Variants in KRT76 observed in about 807,000 individuals in gnomAD.
The protein encoded by KRT76 is keratin, type II cytoskeletal 2 oral.
Under a neutral mutation model 44.9 loss-of-function variants are expected in KRT76, and 47 were observed. The observed-to-expected ratio is 1.05, with a 90% CI of 0.83 to 1.33. The LOEUF (loss-of-function observed/expected upper bound fraction) is 1.33. KRT76 is among the 40% of genes most tolerant of loss of function. The pLI is 0.00. For missense variants in KRT76, 860 were observed against 775.8 expected (o/e 1.11, Z -1.29); for synonymous variants, 331 against 294.1 (o/e 1.13, Z -1.28).
Position 52,775,473 on chromosome 12 carries a change from G to A in KRT76, c.730C>T (p.Gln244Ter). The A allele has an allele frequency of 6.2e-7, 1 of 1,614,172 alleles. No homozygotes were observed. Among genetic ancestry groups the A allele is most frequent in the Non-Finnish European group, 8.5e-7 (1 of 1,180,018 alleles). ...FESYISFLCK[Q>*]LDSLLGERGN... ...CTCTCCCCTAGAAGTGAATCTAGCT[G>A]CTTGCATAGGAAGCTGATGTAGGAT... The change falls in exon 2 of 9, where the codon CAG becomes TAG. Residue 244 changes from glutamine (Q) to a stop codon, truncating the protein, a stop_gained. Coordinates refer to ENST00000332411, the MANE Select transcript of KRT76 (RefSeq NM_015848.4). LOFTEE classifies it high-confidence loss of function.
In KRT76 at chr12:52,772,261, G is replaced by T. The variant is rs1227099817; in HGVS notation, c.973-3C>A. On this transcript the variant is annotated splice_polypyrimidine_tract_variant and splice_region_variant and intron_variant, in intron 4 of 8. Transcript: ENST00000332411. ...TGGCTTTGCATCTGGGACAGCTCCT[G>T]CAGGAAACATGGATAGTTACTCTTA... The T allele has an allele frequency of 6.3e-7, 1 of 1,592,098 alleles. No homozygotes were observed. The highest frequency in any genetic ancestry group is 1.3e-5 in the African/African-American group (1 of 74,492).
intron 3 of KRT76, among the ~76,000 whole-genome samples, chr12:52,773,362 C>G (rs1028486750): frequency 3.3e-5 from 5 of 152,190 alleles, no homozygotes; most frequent in Admixed American, 2.6e-4. Flanking sequence ...CATTGCTAAT[C>G]AGCTCATTAG....
chr12:52,773,735 G>T, intron 2 of KRT76, 93 bp from the exon 3 acceptor site: 1 of 1,033,596 alleles, frequency 9.7e-7, no homozygotes, highest in Non-Finnish European at 1.5e-6. Context: ...CCTGCGCAGA[G>T]ACAGGACGAG....
intron 3 of KRT76, among the ~76,000 whole-genome samples, chr12:52,773,123 TA>T (rs1366965807): frequency 4.6e-5 from 7 of 152,210 alleles, no homozygotes; most frequent in Non-Finnish European, 8.8e-5. Context: ...CATCTGATTT[TA>T]GGGTAGAAAA....
In KRT76 at chr12:52,775,617, G is replaced by T; in HGVS notation, c.601-15C>A. On this transcript the variant is annotated splice_polypyrimidine_tract_variant and intron_variant, in intron 1 of 8. Coordinates refer to ENST00000332411, the MANE Select transcript of KRT76 (RefSeq NM_015848.4). ...AGGAACCGCACCTGCATGAAAGAGG[G>T]GAGAAAAGGAGTCAGCCCCTTGAGT... 1 of 1,608,792 alleles carries T rather than the reference G, an allele frequency of 6.2e-7. No individual in the cohort carries two copies. Among genetic ancestry groups the T allele is most frequent in the South Asian group, 1.1e-5 (1 of 90,800 alleles).
At chr12:52,775,057 G>A (rs912393600) in intron 2 of KRT76, among the ~76,000 whole-genome samples, 4 of 152,160 alleles carry the variant, frequency 2.6e-5, no homozygotes, top group African/African-American at 9.7e-5. Flanking sequence ...ACAGGAATAC[G>A]CATTGTTGAC....
Position 52,772,195 on chromosome 12 carries a change from G to A in KRT76, c.1036C>T (p.Arg346Cys), listed in dbSNP as rs200771210. The A allele has an allele frequency of 1.4e-5, 22 of 1,613,330 alleles. No homozygotes were observed. The highest frequency in any genetic ancestry group is 4.5e-5 in the East Asian group (2 of 44,892). The change falls in exon 5 of 9, where the codon CGC becomes TGC. Residue 346 changes from arginine to cysteine, a missense_variant. By Grantham distance (180) the Arg-to-Cys change is radical. Transcript: ENST00000332411. ...TSVVLSMDNN[R>C]CLDLGSIIAE... is the part of the protein sequence containing the mutation. ...ATGATGCTGCCCAGGTCCAGGCAGC[G>A]GTTGTTGTCCATGGACAGAACCACA... is the stretch of plus-strand genomic sequence containing the variant.
At position 52,777,319 on chromosome 12, in the gene KRT76, G is replaced by A. The variant is rs377374238; in HGVS notation, c.-28C>T. 2 of 1,612,882 alleles carry A rather than the reference G, an allele frequency of 1.2e-6. No homozygotes were observed. Among genetic ancestry groups the A allele is most frequent in the Non-Finnish European group, 1.7e-6 (2 of 1,179,474 alleles). ...TGAGAGAGCTTGGAGGCAAGCTAGTGATCACTTAGCAAGAGCTGAGAGGGA... is the reference window on the plus strand; with the variant it reads ...TGAGAGAGCTTGGAGGCAAGCTAGTAATCACTTAGCAAGAGCTGAGAGGGA... On this transcript the variant is annotated 5_prime_UTR_variant, in exon 1 of 9. Coordinates refer to ENST00000332411, the MANE Select transcript of KRT76 (RefSeq NM_015848.4).
At position 52,777,191 on chromosome 12, in the gene KRT76, GCCACAC is replaced by G. The variant is rs1240615291; in HGVS notation, c.95_100del (p.Cys32_Ala34delinsSer). 1 of 1,614,098 alleles carries G rather than the reference GCCACAC, an allele frequency of 6.2e-7. No homozygotes were observed. Among genetic ancestry groups the G allele is most frequent in the Non-Finnish European group, 8.5e-7 (1 of 1,180,052 alleles). On this transcript the variant is annotated inframe_deletion, in exon 1 of 9. Coordinates refer to ENST00000332411, the MANE Select transcript of KRT76 (RefSeq NM_015848.4). ...CCCTCCACCAGCTCCCCCAGAGCGG[GCCACAC>G]AGCTCATCCTGCTGCTGCCGGAGAC...
In KRT76 at chr12:52,769,012, C is replaced by A. The variant is rs201843810; in HGVS notation, c.1618G>T (p.Gly540Cys). Reference protein sequence around the residue: ...SGSGSGGYKGGSSSSSSSGYG... With the variant: ...SGSGSGGYKGCSSSSSSSGYG... ...CCACTGCTGCTGCTGCTGCTGCTGCCGCCTTTGTAGCCACCACTGCCACTG... is the reference window on the plus strand; with the variant it reads ...CCACTGCTGCTGCTGCTGCTGCTGCAGCCTTTGTAGCCACCACTGCCACTG... The change falls in exon 9 of 9, where the codon GGC (glycine) becomes TGC (cysteine). Residue 540 changes from glycine (G) to cysteine (C), a missense_variant. By Grantham distance (159) the Gly-to-Cys change is radical (BLOSUM62 -3). Transcript: ENST00000332411. 6 of 885,626 alleles carry A rather than the reference C, an allele frequency of 6.8e-6. No homozygotes were observed. Among genetic ancestry groups the A allele is most frequent in the Non-Finnish European group, 1.1e-5 (6 of 539,922 alleles). 54.9% of individuals were successfully genotyped at this position (885,626 alleles called of 1,614,324 possible).
Position 52,772,194 on chromosome 12 carries a change from C to T in KRT76, c.1037G>A (p.Arg346His), listed in dbSNP as rs762568646. The T allele has an allele frequency of 1.5e-5, 24 of 1,613,306 alleles. No homozygotes were observed. Among genetic ancestry groups the T allele is most frequent in the Middle Eastern group, 1.6e-4 (1 of 6,062 alleles). ...TSVVLSMDNN[R>H]CLDLGSIIAE... ...AATGATGCTGCCCAGGTCCAGGCAG[C>T]GGTTGTTGTCCATGGACAGAACCAC... is the stretch of plus-strand genomic sequence containing the variant. The change falls in exon 5 of 9, where the codon CGC (arginine) becomes CAC (histidine). Residue 346 changes from arginine (R) to histidine (H), a missense_variant. Arg to His is a conservative substitution (Grantham distance 29, BLOSUM62 0). Transcript: ENST00000332411.
Position 52,776,955 on chromosome 12 carries a change from C to T in KRT76, c.337G>A (p.Gly113Ser). Reference protein sequence around the residue: ...GGGFGGGRGVGSGFGGAGGFG... With the variant: ...GGGFGGGRGVSSGFGGAGGFG... ...CCACCAGCCCCTCCAAAACCACTAC[C>T]TACTCCTCTGCCACCACCAAAGCCA... The change falls in exon 1 of 9, where the codon GGT (glycine) becomes AGT (serine). Residue 113 changes from glycine to serine, a missense_variant. By Grantham distance (56) the Gly-to-Ser change is moderately conservative (BLOSUM62 0). Transcript: ENST00000332411. The T allele has an allele frequency of 6.2e-7, 1 of 1,613,972 alleles. No homozygotes were observed.
chr12:52,772,543 G>A (rs1401448730), intron 4 of KRT76, among the ~76,000 whole-genome samples: 1 of 152,164 alleles, frequency 6.6e-6, no homozygotes, highest in Non-Finnish European at 1.5e-5. Context: ...TTATGAAGAA[G>A]CCAACTATGA....
Position 52,768,702 on chromosome 12 carries a change from G to A in KRT76, c.*11C>T, listed in dbSNP as rs1429353639. ...GGGAAGCAGGTGGTTATAGAGATTT[G>A]GAACAGTAGATCACTTGGTGGAGCT... On this transcript the variant is annotated 3_prime_UTR_variant, in exon 9 of 9. Coordinates refer to ENST00000332411, the MANE Select transcript of KRT76 (RefSeq NM_015848.4). 1.2e-5 allele frequency: 19 copies of A among 1,581,302 alleles called. No homozygotes were observed. The highest frequency in any genetic ancestry group is 1.6e-5 in the Non-Finnish European group (19 of 1,157,038).
chr12:52,772,260 T>C lies in KRT76; in HGVS notation c.973-2A>G. ...ATGGCTTTGCATCTGGGACAGCTCC[T>C]GCAGGAAACATGGATAGTTACTCTT... On this transcript the variant is annotated splice_acceptor_variant, in intron 4 of 8. Transcript: ENST00000332411. LOFTEE classifies it high-confidence loss of function. 2 of 1,592,810 alleles carry C rather than the reference T, an allele frequency of 1.3e-6. No homozygotes were observed. Among genetic ancestry groups the C allele is most frequent in the Admixed American group, 1.7e-5 (1 of 58,028 alleles).
Position 52,772,775 on chromosome 12 carries a change from G to A in KRT76, c.972+8C>T, listed in dbSNP as rs1939206034. The A allele has an allele frequency of 6.3e-7, 1 of 1,593,556 alleles. No individual in the cohort carries two copies. Among genetic ancestry groups the A allele is most frequent in the African/African-American group, 1.3e-5 (1 of 74,650 alleles). The stretch of plus-strand genomic sequence containing the variant: ...GAAGGTTCTGCAGCTTGCAAACCAA[G>A]GAATCACCATCTCATAGAGGGTCCT... On this transcript the variant is annotated splice_region_variant and intron_variant, in intron 4 of 8. Transcript: ENST00000332411.
chr12:52,777,234 G>A lies in KRT76; in HGVS notation c.58C>T (p.Arg20Cys), dbSNP rs370699675. 6.9e-5 allele frequency: 112 copies of A among 1,614,076 alleles called. 1 individual carries two copies. Among genetic ancestry groups the A allele is most frequent in the Admixed American group, 6.2e-4 (37 of 60,010 alleles). Residue 20 changes from arginine (R) to cysteine (C), a missense_variant, in exon 1 of 9, where the codon CGC becomes TGC. Coordinates refer to ENST00000332411, the MANE Select transcript of KRT76 (RefSeq NM_015848.4). ...CTGCTGCCGGAGACCACAGCAGAGC[G>A]GCCAGAGAAACCCTGGCTCCTGCCA... ...FSGRSQGFSGRSAVVSGSSRM... is the reference protein window; with the variant it reads ...FSGRSQGFSGCSAVVSGSSRM...
In KRT76 at chr12:52,769,537, T is replaced by C; in HGVS notation, c.1519+12A>G. 1 of 1,612,602 alleles carries C rather than the reference T, an allele frequency of 6.2e-7. No individual in the cohort carries two copies. The highest frequency in any genetic ancestry group is 8.5e-7 in the Non-Finnish European group (1 of 1,178,604). ...CAACCCAGGGAGAGGGTTTTTTGAATGGGCTACTTACAAATGCACACGGCA... is the reference window on the plus strand; with the variant it reads ...CAACCCAGGGAGAGGGTTTTTTGAACGGGCTACTTACAAATGCACACGGCA... On this transcript the variant is annotated intron_variant, in intron 8 of 8. Coordinates refer to ENST00000332411, the MANE Select transcript of KRT76 (RefSeq NM_015848.4).
intron 2 of KRT76, 100 bp from the exon 3 acceptor site, chr12:52,773,742 C>A: frequency 6.4e-6 from 6 of 938,706 alleles, no homozygotes; most frequent in Non-Finnish European, 9.9e-6. Context: ...AGAGACAGGA[C>A]GAGCTTCATG....
Sources: gnomAD v4.1 joint callset for allele counts (sites outside exome capture counted in the v4.1 genomes callset) on GRCh38, gnomAD v4.1.1 for gene constraint, MANE v1.5 for transcripts, NCBI Gene and HGNC (gene_info 2026-07-23, HGNC 2026-07-21) for gene names.